The following TPCN1 variants were observed in gnomAD, a reference collection of about 807,000 sequenced individuals.
The protein encoded by TPCN1 is two pore channel protein 1.
TPCN1 carries 52 observed loss-of-function variants against 108.8 expected under a neutral mutation model. That is an observed-to-expected ratio of 0.48 (90% CI 0.38 to 0.60). TPCN1 has a LOEUF of 0.60. TPCN1 is among the 20% of genes least tolerant of loss of function. TPCN1 has a pLI of 0.00. For synonymous variants in TPCN1, 446 were observed against 433.7 expected (o/e 1.03, Z -0.35); for missense variants, 806 against 1,072.8 (o/e 0.75, Z 3.47).
chr12:113,238,547 G>T (rs1043485044), intron 2 of TPCN1, among the ~76,000 whole-genome samples: 16 of 152,068 alleles, frequency 1.1e-4, no homozygotes, highest in African/African-American at 3.9e-4. Flanking sequence ...CACCTGCCTC[G>T]GCCTCCCAAA....
intron 24 of TPCN1, 22 bp downstream of exon 24, chr12:113,291,699 GCT>G: frequency 6.2e-7 from 1 of 1,611,234 alleles, no homozygotes; most frequent in South Asian, 1.1e-5. Flanking sequence ...ACCACAGAAC[GCT>G]CTTTGTCCTT....
rs373222766 is a variant in TPCN1, at chr12:113,291,903, C to T, written c.2058C>T (p.Ile686=). 87 of 1,508,054 alleles carry T rather than the reference C, an allele frequency of 5.8e-5. No homozygotes were observed. Among genetic ancestry groups the T allele is most frequent in the Non-Finnish European group, 7.4e-5 (82 of 1,113,090 alleles). 93.4% of individuals were successfully genotyped at this position (1,508,054 alleles called of 1,614,324 possible). The stretch of plus-strand genomic sequence containing the variant: ...TGATGACGATCATTGTCGCCTTTAT[C>T]CTCGAGGCCTTCGTCTTCCGAATGA... The part of the protein sequence containing the change: ...MVVMTIIVAF[I]LEAFVFRMNY... The change falls in exon 25 of 28, where the codon ATC becomes ATT. Residue 686 remains isoleucine, a synonymous_variant. Coordinates refer to ENST00000335509, the MANE Select transcript of TPCN1 (RefSeq NM_017901.6).
At chr12:113,239,245 A>G (rs941378102) in intron 2 of TPCN1, among the ~76,000 whole-genome samples, 14 of 152,212 alleles carry the variant, frequency 9.2e-5, no homozygotes, top group African/African-American at 3.4e-4. Flanking sequence ...ATCCAGCATC[A>G]AGCAGGGTTT....
At chr12:113,257,464 C>A (rs1238034526) in intron 2 of TPCN1, among the ~76,000 whole-genome samples, 1 of 150,116 alleles carries the variant, frequency 6.7e-6, no homozygotes, top group Admixed American at 6.7e-5. Flanking sequence ...GCACTCCAGC[C>A]TGGGCGACAG....
intron 2 of TPCN1, among the ~76,000 whole-genome samples, chr12:113,228,955 CGTGA>C (rs1190059134): frequency 1.3e-5 from 2 of 152,212 alleles, no homozygotes; most frequent in Non-Finnish European, 2.9e-5. Context: ...TGGCTGTCAT[CGTGA>C]GTGTCACTTT....
intron 2 of TPCN1, among the ~76,000 whole-genome samples, chr12:113,233,767 C>G (rs1202738155): frequency 1.3e-5 from 2 of 152,224 alleles, no homozygotes; most frequent in African/African-American, 4.8e-5. Flanking sequence ...TCCTCCCTCC[C>G]AGCAGATTTG....
chr12:113,271,232 G>A (rs1955487329), intron 7 of TPCN1, among the ~76,000 whole-genome samples: 1 of 152,142 alleles, frequency 6.6e-6, no homozygotes, highest in Non-Finnish European at 1.5e-5. Context: ...AGCTGTGACA[G>A]CGCAACTGCA....
chr12:113,225,148 G>A (rs1191118241), intron 1 of TPCN1: 7 of 411,412 alleles, frequency 1.7e-5, no homozygotes, highest in Non-Finnish European at 3.4e-5. Flanking sequence ...TCCAACTCCT[G>A]GGATCAAGTG....
At position 113,297,879 on chromosome 12, in the gene TPCN1, G is replaced by T. The variant is rs1037936399; in HGVS notation, c.*1803G>T. On this transcript the variant is annotated 3_prime_UTR_variant, in exon 28 of 28. Coordinates refer to ENST00000335509, the MANE Select transcript of TPCN1 (RefSeq NM_017901.6). This position sits in a 1 kb window ranked among gnomAD's most constrained non-coding sequence, Gnocchi z 4.4. ...TTGAAATGGGCGTTTTGGAAGCAAG[G>T]GTCAGGGGACAGCTTCTAAAGGTGT... is the stretch of plus-strand genomic sequence containing the variant. The T allele has an allele frequency of 3.9e-5, 6 of 152,364 alleles. No homozygotes were observed. Among genetic ancestry groups the T allele is most frequent in the African/African-American group, 7.2e-5 (3 of 41,566 alleles). 9.4% of individuals were successfully genotyped at this position (152,364 alleles called of 1,614,324 possible). A position where few individuals can be genotyped will look rare whatever the true frequency, so the allele number is the denominator to read the frequency against.
rs990637275 is a variant in TPCN1, at chr12:113,266,002, T to A, written c.238-178T>A. On this transcript the variant is annotated intron_variant, in intron 3 of 27. Transcript: ENST00000335509. The surrounding 1 kb of genome is among the most constrained non-coding windows in gnomAD (Gnocchi z 4.2). ...TCTTGAGCCCATCAGCAGGCAGGAGTGAGACCTGACCACCGTGAGTTTCGC... is the reference window on the plus strand; with the variant it reads ...TCTTGAGCCCATCAGCAGGCAGGAGAGAGACCTGACCACCGTGAGTTTCGC... 7.2e-5 allele frequency among the ~76,000 whole-genome samples: 11 copies of A among 151,832 alleles called. No homozygotes were observed. Among genetic ancestry groups the A allele is most frequent in the African/African-American group, 2.7e-4 (11 of 41,324 alleles).
intron 2 of TPCN1, among the ~76,000 whole-genome samples, chr12:113,242,057 G>A (rs1049149857): frequency 6.6e-6 from 1 of 152,098 alleles, no homozygotes; most frequent in East Asian, 1.9e-4. Flanking sequence ...CTGGCAAACC[G>A]GGGGGCATGC....
intron 1 of TPCN1, among the ~76,000 whole-genome samples, chr12:113,223,741 G>A (rs1183061151): frequency 4.0e-5 from 6 of 151,868 alleles, no homozygotes; most frequent in African/African-American, 1.5e-4. Context: ...ACCAGGTTTC[G>A]CCATGTTGGC....
intron 7 of TPCN1, among the ~76,000 whole-genome samples, chr12:113,270,209 AAAAAG>A (rs1955435801): frequency 6.6e-6 from 1 of 152,258 alleles, no homozygotes; most frequent in East Asian, 1.9e-4. Flanking sequence ...TCTCAAAAAA[AAAAAG>A]AAAAGAAAAG....
chr12:113,290,687 C>T lies in TPCN1; in HGVS notation c.1913-265C>T, dbSNP rs144861160. Among the ~76,000 whole-genome samples, 782 of 152,334 alleles carry T rather than the reference C, an allele frequency of 5.1e-3. 11 individuals carry two copies. Among genetic ancestry groups the T allele is most frequent in the African/African-American group, 0.018 (742 of 41,570 alleles). On this transcript the variant is annotated intron_variant, in intron 22 of 27. Coordinates refer to ENST00000335509, the MANE Select transcript of TPCN1 (RefSeq NM_017901.6). ...GTGCCCCCATGACACCCCAGATCTG[C>T]ACCCAGTAAGATCCAGATAGTCTGA... is the stretch of plus-strand genomic sequence containing the variant.
rs189439955 is a variant in TPCN1 at position 113,229,452 on chromosome 12, A to G, written c.112+2488A>G. Among the ~76,000 whole-genome samples, 213 of 152,172 alleles carry G rather than the reference A, an allele frequency of 1.4e-3. 1 individual carries two copies. The highest frequency in any genetic ancestry group is 5.0e-3 in the African/African-American group (208 of 41,530). On this transcript the variant is annotated intron_variant, in intron 2 of 27. Coordinates refer to ENST00000335509, the MANE Select transcript of TPCN1 (RefSeq NM_017901.6). ...GCTTGGATTTTGGCCTTGACCTTCTACCCCAGCGTCCCCCTGTCCCTGCTG... is the reference window on the plus strand; with the variant it reads ...GCTTGGATTTTGGCCTTGACCTTCTGCCCCAGCGTCCCCCTGTCCCTGCTG...
chr12:113,286,838 A>T (rs2136733515), intron 18 of TPCN1, 149 bp from the exon 19 acceptor site: 1 of 649,502 alleles, frequency 1.5e-6, no homozygotes, highest in East Asian at 2.6e-5. Context: ...CCAGGGTGGC[A>T]GGAAGTTCTT....
chr12:113,225,536 T>C (rs1287421035), intron 1 of TPCN1, among the ~76,000 whole-genome samples: 1 of 152,134 alleles, frequency 6.6e-6, no homozygotes, highest in Non-Finnish European at 1.5e-5. Context: ...ATAATGCTTT[T>C]ATTCTGTTTT....
intron 19 of TPCN1, 141 bp downstream of exon 19, chr12:113,287,235 ATGGG>A: frequency 1.5e-6 from 1 of 688,684 alleles, no homozygotes; most frequent in Non-Finnish European, 2.5e-6. Context: ...GAGAATCACC[ATGGG>A]GTCAACATCC....
In TPCN1 at chr12:113,297,070, C is replaced by A. The variant is rs1216987739; in HGVS notation, c.*994C>A. 6.6e-6 allele frequency: 1 copy of A among 151,958 alleles called. No homozygotes were observed. Among genetic ancestry groups the A allele is most frequent in the Non-Finnish European group, 1.5e-5 (1 of 68,050 alleles). 9.4% of individuals were successfully genotyped at this position (151,958 alleles called of 1,614,324 possible). ...TGGCCCCGGCCCAGTTCCCAGCCAC[C>A]CTCCCTGGCTCTGCTCACACCAGAG... On this transcript the variant is annotated 3_prime_UTR_variant, in exon 28 of 28. Coordinates refer to ENST00000335509, the MANE Select transcript of TPCN1 (RefSeq NM_017901.6). The surrounding 1 kb of genome is among the most constrained non-coding windows in gnomAD (Gnocchi z 4.4).
Sources: allele counts gnomAD v4.1 joint callset (sites outside exome capture counted in the v4.1 genomes callset), GRCh38; gene constraint gnomAD v4.1.1; non-coding constraint Gnocchi (gnomAD v3.1); transcripts MANE v1.5; gene names NCBI Gene and HGNC (gene_info 2026-07-23, HGNC 2026-07-21).